Variants in NALF1 observed in about 807,000 individuals in gnomAD.
NALF1 encodes NALCN channel auxiliary factor 1, also known as family with sequence similarity 155 member A.
NALF1 carries 3 observed loss-of-function variants against 48.4 expected under a neutral mutation model. The observed-to-expected ratio is 0.06, with a 90% CI of 0.03 to 0.16. NALF1 has a LOEUF of 0.16. Among genes scored for constraint, NALF1 ranks in the 10% least tolerant of loss-of-function variants. The pLI is 1.00. For synonymous variants in NALF1, 262 were observed against 245.7 expected (o/e 1.07, Z -0.62); for missense variants, 526 against 571.5 (o/e 0.92, Z 0.81).
Position 107,702,185 on chromosome 13 carries a change from T to G in NALF1, c.915+163497A>C, listed in dbSNP as rs550994762. Reference sequence around the variant, plus strand: ...GTGTCAGATCTGATGTAAATTATGGTCCTTTCACTTATTATTTGAGTGACA... The same window carrying G: ...GTGTCAGATCTGATGTAAATTATGGGCCTTTCACTTATTATTTGAGTGACA... On this transcript the variant is annotated intron_variant, in intron 1 of 2. Transcript: ENST00000375915. 2.6e-5 allele frequency among the ~76,000 whole-genome samples: 4 copies of G among 152,266 alleles called. 1 individual carries two copies. In the South Asian group the frequency reaches 8.3e-4, roughly 32 times the overall value.
At chr13:107,662,516 A>C (rs1420421247) in intron 1 of NALF1, among the ~76,000 whole-genome samples, 1 of 152,204 alleles carries the variant, frequency 6.6e-6, no homozygotes, top group African/African-American at 2.4e-5. Context: ...ACCTGGGAAA[A>C]GCATGGGAAT....
intron 1 of NALF1, among the ~76,000 whole-genome samples, chr13:107,861,513 T>A (rs907747854): frequency 7.9e-5 from 12 of 152,180 alleles, no homozygotes; most frequent in Non-Finnish European, 1.6e-4. Context: ...GGCCAGGCGC[T>A]GTGGCTCACA....
chr13:107,417,498 T>A (rs1479165646), intron 1 of NALF1, among the ~76,000 whole-genome samples: 1 of 150,068 alleles, frequency 6.7e-6, no homozygotes, highest in African/African-American at 2.5e-5. Flanking sequence ...GATATTTGTT[T>A]GTGGAATACA....
At chr13:107,865,530 T>A in intron 1 of NALF1, 152 bp downstream of exon 1, 2 of 1,067,790 alleles carry the variant, frequency 1.9e-6, no homozygotes, top group Admixed American at 2.4e-5. Flanking sequence ...GGTATTCTCA[T>A]CTCAAACAGC....
chr13:107,764,898 T>C (rs910588247), intron 1 of NALF1, among the ~76,000 whole-genome samples: 2 of 152,160 alleles, frequency 1.3e-5, no homozygotes, highest in Non-Finnish European at 2.9e-5. Context: ...TTCCAGACAT[T>C]GAACTGAAAG....
chr13:107,428,235 G>A (rs554223875), intron 1 of NALF1, among the ~76,000 whole-genome samples: 2 of 152,158 alleles, frequency 1.3e-5, no homozygotes, highest in South Asian at 2.1e-4. Flanking sequence ...GCTCTGTGAG[G>A]TCAGGGATAT....
chr13:107,462,655 T>C (rs1884937852), intron 1 of NALF1, among the ~76,000 whole-genome samples: 1 of 152,182 alleles, frequency 6.6e-6, no homozygotes, highest in Non-Finnish European at 1.5e-5. Flanking sequence ...TGGAATACTC[T>C]GCCCTATGAG....
chr13:107,695,610 T>C (rs1881680679), intron 1 of NALF1, among the ~76,000 whole-genome samples: 2 of 152,192 alleles, frequency 1.3e-5, no homozygotes, highest in Non-Finnish European at 2.9e-5. Context: ...GGAATTTTAT[T>C]TGGGGCTTTT....
intron 1 of NALF1, among the ~76,000 whole-genome samples, chr13:107,222,960 G>T (rs1880025476): frequency 6.6e-6 from 1 of 152,088 alleles, no homozygotes; most frequent in Admixed American, 6.5e-5. Context: ...CTTGATCAAG[G>T]TTTTGCCATT....
At chr13:107,708,691 C>T (rs1372545779) in intron 1 of NALF1, among the ~76,000 whole-genome samples, 1 of 146,452 alleles carries the variant, frequency 6.8e-6, no homozygotes, top group Non-Finnish European at 1.5e-5. Flanking sequence ...TTAACACCAA[C>T]CAACTACTTT....
chr13:107,866,348 C>G lies in NALF1; in HGVS notation c.249G>C (p.Gln83His). The G allele has an allele frequency of 1.2e-6, 2 of 1,609,802 alleles. No individual in the cohort carries two copies. The highest frequency in any genetic ancestry group is 1.7e-6 in the Non-Finnish European group (2 of 1,179,006). Reference sequence around the variant, plus strand: ...GCTGCTGCCGCTGCCTCTGCTGCTGCTGCTGCTGCTGCTGCTGCCGCTGCT... The same window carrying G: ...GCTGCTGCCGCTGCCTCTGCTGCTGGTGCTGCTGCTGCTGCTGCCGCTGCT... ...QQQQRQQQQQQQQQRQRQQQQ... is the reference protein window; with the variant it reads ...QQQQRQQQQQHQQQRQRQQQQ... The change falls in exon 1 of 3, where the codon CAG becomes CAC. Residue 83 changes from glutamine to histidine, a missense_variant. Coordinates refer to ENST00000375915, the MANE Select transcript of NALF1 (RefSeq NM_001080396.3). This position sits in a 1 kb window ranked among gnomAD's most constrained non-coding sequence, Gnocchi z 4.4.
chr13:107,527,802 C>T (rs940705500), intron 1 of NALF1, among the ~76,000 whole-genome samples: 1 of 152,086 alleles, frequency 6.6e-6, no homozygotes, highest in Non-Finnish European at 1.5e-5. Context: ...TAAGACGTAC[C>T]TTTCTGCTTC....
intron 1 of NALF1, among the ~76,000 whole-genome samples, chr13:107,343,144 A>G (rs567359990): frequency 1.3e-5 from 2 of 152,352 alleles, no homozygotes; most frequent in South Asian, 4.1e-4. Flanking sequence ...ACAAATCTTA[A>G]CAAATTTAAG....
At chr13:107,806,476 G>A (rs1301257447) in intron 1 of NALF1, among the ~76,000 whole-genome samples, 2 of 151,904 alleles carry the variant, frequency 1.3e-5, no homozygotes, top group African/African-American at 2.4e-5. Flanking sequence ...AATCTCTCAC[G>A]TAACTTAGAA....
intron 1 of NALF1, among the ~76,000 whole-genome samples, chr13:107,307,975 T>G (rs1225902233): frequency 6.6e-6 from 1 of 152,106 alleles, no homozygotes; most frequent in African/African-American, 2.4e-5. Flanking sequence ...CTGTAAATTG[T>G]GATGTAATTT....
At chr13:107,180,424 T>C (rs1479285926) in intron 2 of NALF1, among the ~76,000 whole-genome samples, 5 of 152,050 alleles carry the variant, frequency 3.3e-5, no homozygotes, top group Non-Finnish European at 7.4e-5. Flanking sequence ...ACGATCTTTA[T>C]CTCAGTAATT....
At chr13:107,507,766 T>C (rs1190405054) in intron 1 of NALF1, among the ~76,000 whole-genome samples, 1 of 152,106 alleles carries the variant, frequency 6.6e-6, no homozygotes, top group East Asian at 1.9e-4. Context: ...ATTGAAATCA[T>C]AGGAAATAAC....
At chr13:107,174,220 T>A (rs999135524) in intron 2 of NALF1, among the ~76,000 whole-genome samples, 3 of 152,210 alleles carry the variant, frequency 2.0e-5, no homozygotes, top group Non-Finnish European at 2.9e-5. Flanking sequence ...GGAAACACCA[T>A]GCATTCCTAG....
At chr13:107,612,091 GAGGGGAGGGGGAGGGAGGA>G (rs1879241807) in intron 1 of NALF1, among the ~76,000 whole-genome samples, 15 of 58,662 alleles carry the variant, frequency 2.6e-4, no homozygotes, top group Admixed American at 3.4e-4. Flanking sequence ...GGGGGGGAGA[GAGGGGAGGGGGAGGGAGGA>G]AGGGGAGGGG....
Sources: gnomAD v4.1 joint callset for allele counts (sites outside exome capture counted in the v4.1 genomes callset) on GRCh38, gnomAD v4.1.1 for gene constraint, Gnocchi (gnomAD v3.1) non-coding constraint, MANE v1.5 for transcripts, NCBI Gene and HGNC (gene_info 2026-07-23, HGNC 2026-07-21) for gene names.